The following LDHB variants were observed in gnomAD, a reference collection of about 807,000 sequenced individuals.
LDHB encodes the protein L-lactate dehydrogenase B chain.
LDHB carries 18 observed loss-of-function variants against 33.4 expected under a neutral mutation model. That is an observed-to-expected ratio of 0.54 (90% CI 0.37 to 0.80). The LOEUF (loss-of-function observed/expected upper bound fraction) is 0.80. Ranked by LOEUF, LDHB falls within the 30% of genes least tolerant of loss-of-function variation. LDHB has a pLI of 0.00. For missense variants in LDHB, 345 were observed against 407.9 expected (o/e 0.85, Z 1.33); for synonymous variants, 121 against 140.6 (o/e 0.86, Z 0.98).
Position 21,635,597 on chromosome 12 carries a change from A to G in LDHB, c.950T>C (p.Leu317Pro). The change falls in exon 8 of 8, where the codon CTC becomes CCC. Residue 317 changes from leucine to proline, a missense_variant. Physicochemically the swap from Leu to Pro is moderately conservative, Grantham distance 98 (BLOSUM62 -3). Coordinates refer to ENST00000350669, the MANE Select transcript of LDHB (RefSeq NM_002300.8). ...CCACAGGGTATCTGCACTTTTCTTG[A>G]GCTGAGCAACCTCATCATCCTTTAG... is the stretch of plus-strand genomic sequence containing the variant. ...QKLKDDEVAQ[L>P]KKSADTLWDI... 11 of 1,613,012 alleles carry G rather than the reference A, an allele frequency of 6.8e-6. No homozygotes were observed. Among genetic ancestry groups the G allele is most frequent in the Non-Finnish European group, 9.3e-6 (11 of 1,179,938 alleles).
intron 5 of LDHB, among the ~76,000 whole-genome samples, chr12:21,639,898 A>ATTT (rs1938322963): frequency 6.6e-6 from 1 of 152,008 alleles, no homozygotes; most frequent in African/African-American, 2.4e-5. Flanking sequence ...CAGCATTCTT[A>ATTT]TATAAAAAAT....
chr12:21,656,366 A>C (rs1043241166), intron 1 of LDHB, among the ~76,000 whole-genome samples: 1 of 152,220 alleles, frequency 6.6e-6, no homozygotes, highest in Non-Finnish European at 1.5e-5. Context: ...CCACAAATAG[A>C]TGACCTTAAA....
chr12:21,644,967 A>G (rs1403825651), intron 3 of LDHB, among the ~76,000 whole-genome samples: 2 of 152,188 alleles, frequency 1.3e-5, no homozygotes, highest in Non-Finnish European at 2.9e-5. Flanking sequence ...GAGAGATCAG[A>G]CTGTTACTGT....
intron 6 of LDHB, 156 bp from the exon 7 acceptor site, chr12:21,637,350 A>G: frequency 1.6e-6 from 1 of 620,498 alleles, no homozygotes; most frequent in Non-Finnish European, 2.9e-6. Context: ...TAAATGAATT[A>G]ATATATATGT....
chr12:21,644,439 A>AAAC (rs1938466090), intron 3 of LDHB, among the ~76,000 whole-genome samples: 7 of 4,966 alleles, frequency 1.4e-3, no homozygotes, highest in Non-Finnish European at 0.01. Flanking sequence ...AAAAAAAAAA[A>AAAC]AAAAAACAAA....
chr12:21,644,621 AT>A (rs1171813419), intron 3 of LDHB, among the ~76,000 whole-genome samples: 3 of 152,140 alleles, frequency 2.0e-5, no homozygotes, highest in Admixed American at 1.3e-4. Flanking sequence ...TGGAGATTTG[AT>A]TTTTTTCTTA....
chr12:21,645,318 C>CGTGGGAAGGGAAAGACCTGACT (rs1023739155), intron 3 of LDHB, among the ~76,000 whole-genome samples: 3 of 152,154 alleles, frequency 2.0e-5, no homozygotes, highest in South Asian at 2.1e-4. Context: ...AATATGGCCT[C>CGTGGGAAGGGAAAGACCTGACT]GTGGGAAGGG....
chr12:21,654,771 G>A, intron 1 of LDHB, 94 bp from the exon 2 acceptor site: 1 of 1,006,366 alleles, frequency 9.9e-7, no homozygotes, highest in Admixed American at 1.7e-5. Context: ...ATTTCGAACT[G>A]AAGTACAACT....
chr12:21,644,068 A>G lies in LDHB; in HGVS notation c.288T>C (p.Thr96=), dbSNP rs201280606. ...CCCCTTCTTGCTGACGGACTCCTGCAGTTACCACTACAATCTTAGAATTGG... is the reference window on the plus strand; with the variant it reads ...CCCCTTCTTGCTGACGGACTCCTGCGGTTACCACTACAATCTTAGAATTGG... ...VTANSKIVVV[T]AGVRQQEGES... Residue 96 remains threonine, a synonymous_variant, in exon 4 of 8, where the codon ACT becomes ACC. Coordinates refer to ENST00000350669, the MANE Select transcript of LDHB (RefSeq NM_002300.8). The G allele has an allele frequency of 6.2e-7, 1 of 1,613,610 alleles. No individual in the cohort carries two copies.
At chr12:21,639,458 A>C (rs571671587) in intron 5 of LDHB, among the ~76,000 whole-genome samples, 4 of 151,602 alleles carry the variant, frequency 2.6e-5, no homozygotes, top group Non-Finnish European at 5.9e-5. Context: ...CACTAAAATT[A>C]AAGTCCTGAA....
At chr12:21,636,230 T>C (rs368848968) in intron 7 of LDHB, among the ~76,000 whole-genome samples, 145 of 152,090 alleles carry the variant, frequency 9.5e-4, no homozygotes, top group South Asian at 6.6e-3. Context: ...AAATTTTAAG[T>C]TGCTTAAAGA....
At chr12:21,655,112 C>T (rs961110883) in intron 1 of LDHB, among the ~76,000 whole-genome samples, 2 of 151,336 alleles carry the variant, frequency 1.3e-5, no homozygotes, top group Non-Finnish European at 2.9e-5. Context: ...AGAGCGATTC[C>T]GTCTCAAAAG....
At chr12:21,635,907 AG>A in intron 7 of LDHB, among the ~76,000 whole-genome samples, 198 bp from the exon 8 acceptor site, 1 of 152,206 alleles carries the variant, frequency 6.6e-6, no homozygotes, top group South Asian at 2.1e-4. Flanking sequence ...GAATAATCAA[AG>A]GTCCGATGTT....
At chr12:21,643,685 T>C in intron 4 of LDHB, 1 of 498,068 alleles carries the variant, frequency 2.0e-6, no homozygotes, top group Non-Finnish European at 3.6e-6. Context: ...GCCTTCAGAA[T>C]CTATAACCAA....
Position 21,642,027 on chromosome 12 carries a change from G to A in LDHB, c.520C>T (p.Leu174Phe), listed in dbSNP as rs140905990. The change falls in exon 5 of 8, where the codon CTT becomes TTT. Residue 174 changes from leucine to phenylalanine, a missense_variant. By Grantham distance (22) the Leu-to-Phe change is conservative (BLOSUM62 0). Coordinates refer to ENST00000350669, the MANE Select transcript of LDHB (RefSeq NM_002300.8). The part of the protein sequence containing the change: ...CNLDSARFRY[L>F]MAEKLGIHPS... ...TGAATGCCAAGTTTTTCAGCCATAA[G>A]GTAGCGAAATCTAGCAGAATCCAGA... is the stretch of plus-strand genomic sequence containing the variant. 16 of 1,613,378 alleles carry A rather than the reference G, an allele frequency of 9.9e-6. No homozygotes were observed. The African/African-American group carries it at 2.0e-4, about 20-fold the overall frequency.
intron 2 of LDHB, among the ~76,000 whole-genome samples, chr12:21,652,574 A>G (rs192672015): frequency 5.4e-4 from 82 of 152,230 alleles, no homozygotes; most frequent in Middle Eastern, 6.8e-3. Flanking sequence ...GGGAGCTGCC[A>G]TCTTAAATGG....
intron 7 of LDHB, among the ~76,000 whole-genome samples, chr12:21,636,857 A>T (rs950756424): frequency 2.0e-5 from 3 of 152,140 alleles, no homozygotes; most frequent in African/African-American, 7.2e-5. Flanking sequence ...TATATAAAGA[A>T]TGACAACAAT....
In LDHB at chr12:21,657,040, G is replaced by A. The variant is rs1329962972; in HGVS notation, c.-7+711C>T. 2.6e-5 allele frequency: 4 copies of A among 152,058 alleles called. No homozygotes were observed. In the East Asian group the frequency reaches 7.7e-4, roughly 29 times the overall value. The allele number at this position is 152,058 out of a possible 1,614,324, so 9.4% of individuals were successfully genotyped here. A position where few individuals can be genotyped will look rare whatever the true frequency, so the allele number is the denominator to read the frequency against. ...CAAACCATCTTTTCCTCAGGGCACCGGCAGCAAAGAACAGCAGATCACGAG... is the reference window on the plus strand; with the variant it reads ...CAAACCATCTTTTCCTCAGGGCACCAGCAGCAAAGAACAGCAGATCACGAG... On this transcript the variant is annotated intron_variant, in intron 1 of 7. Coordinates refer to ENST00000350669, the MANE Select transcript of LDHB (RefSeq NM_002300.8).
chr12:21,650,781 G>A (rs1256871558), intron 2 of LDHB, among the ~76,000 whole-genome samples: 3 of 152,136 alleles, frequency 2.0e-5, no homozygotes, highest in Non-Finnish European at 2.9e-5. Flanking sequence ...TAAGTGCCTG[G>A]CATTATCCTC....
Sources: gnomAD v4.1 joint callset for allele counts (sites outside exome capture counted in the v4.1 genomes callset) on GRCh38, gnomAD v4.1.1 for gene constraint, MANE v1.5 for transcripts, NCBI Gene and HGNC (gene_info 2026-07-23, HGNC 2026-07-21) for gene names.